The following LRIG2 variants were observed in gnomAD, a reference collection of about 807,000 sequenced individuals.
LRIG2 encodes the protein leucine-rich repeats and immunoglobulin-like domains protein 2.
LRIG2 carries 93 observed loss-of-function variants against 107.8 expected under a neutral mutation model. That is an observed-to-expected ratio of 0.86 (90% confidence interval 0.73 to 1.03). LRIG2 has a LOEUF of 1.03. Among genes scored for constraint, LRIG2 ranks in the 50% least tolerant of loss-of-function variants. The pLI is 0.00. For missense variants in LRIG2, 1,226 were observed against 1,296.0 expected (o/e 0.95, Z 0.83); for synonymous variants, 471 against 470.6 (o/e 1.00, Z -0.01).
At chr1:113,111,893 C>T (rs1340298950) in intron 13 of LRIG2, among the ~76,000 whole-genome samples, 7 of 152,148 alleles carry the variant, frequency 4.6e-5, no homozygotes, top group Non-Finnish European at 1.0e-4. Context: ...CTGCAGCCTT[C>T]GCCTCCTAGT....
chr1:113,124,266 A>T lies in LRIG2; in HGVS notation c.*165A>T. On this transcript the variant is annotated 3_prime_UTR_variant, in exon 18 of 18. Transcript: ENST00000361127. ...CATGCGTTGTTTGGTCTTATACCTG[A>T]TGAAGAAATGGCAACAGCTGACAGA... is the stretch of plus-strand genomic sequence containing the variant. The T allele has an allele frequency of 1.6e-6, 1 of 625,250 alleles. No homozygotes were observed. The highest frequency in any genetic ancestry group is 2.8e-6 in the Non-Finnish European group (1 of 358,722). 38.7% of individuals were successfully genotyped at this position (625,250 alleles called of 1,614,324 possible).
At chr1:113,101,250 G>A (rs1363973297) in intron 11 of LRIG2, among the ~76,000 whole-genome samples, 1 of 152,144 alleles carries the variant, frequency 6.6e-6, no homozygotes, top group East Asian at 1.9e-4. Flanking sequence ...TGTATTTTTA[G>A]TAGAGACAGG....
At chr1:113,112,018 CT>C (rs2101056939) in intron 13 of LRIG2, among the ~76,000 whole-genome samples, 1 of 152,282 alleles carries the variant, frequency 6.6e-6, no homozygotes, top group South Asian at 2.1e-4. Context: ...GGTTTGTGGC[CT>C]TCTGCTTTCC....
At chr1:113,081,507 T>C (rs1467896513) in intron 1 of LRIG2, among the ~76,000 whole-genome samples, 1 of 152,066 alleles carries the variant, frequency 6.6e-6, no homozygotes, top group African/African-American at 2.4e-5. Flanking sequence ...GTATTTTTAG[T>C]AGAGACGGGG....
chr1:113,119,197 A>G, intron 16 of LRIG2, 36 bp from the exon 17 acceptor site: 4 of 1,579,976 alleles, frequency 2.5e-6, no homozygotes, highest in Non-Finnish European at 3.4e-6. Context: ...TAATTCCTTA[A>G]CAGAAAGATA....
chr1:113,077,448 T>G (rs1653032991), intron 1 of LRIG2, among the ~76,000 whole-genome samples: 1 of 152,232 alleles, frequency 6.6e-6, no homozygotes, highest in Non-Finnish European at 1.5e-5. Flanking sequence ...GGCCAGCTGC[T>G]AAAAATTTTG....
At chr1:113,095,784 T>C (rs996064726) in intron 6 of LRIG2, 90 bp from the exon 7 acceptor site, 2 of 1,340,314 alleles carry the variant, frequency 1.5e-6, no homozygotes, top group Admixed American at 1.8e-5. Context: ...CAAAGGTATA[T>C]GCTTCTCTGG....
chr1:113,090,976 T>C (rs1472501450), intron 1 of LRIG2, among the ~76,000 whole-genome samples: 1 of 151,540 alleles, frequency 6.6e-6, no homozygotes, highest in African/African-American at 2.4e-5. Flanking sequence ...CTCAGCCTCC[T>C]GAGTAGCTGG....
chr1:113,107,933 C>T lies in LRIG2; in HGVS notation c.1477+176C>T. The T allele has an allele frequency of 8.6e-6, 5 of 583,354 alleles. No individual in the cohort carries two copies. The South Asian group carries it at 1.2e-4, about 14-fold the overall frequency. 36.1% of individuals were successfully genotyped at this position (583,354 alleles called of 1,614,324 possible). On this transcript the variant is annotated intron_variant, in intron 12 of 17. Coordinates refer to ENST00000361127, the MANE Select transcript of LRIG2 (RefSeq NM_014813.3). ...TGAAGGCTTTTCTCTTTTAGAGGGA[C>T]TGTTAACCTTAGGTTAGGTATTTGG...
chr1:113,086,391 A>G (rs1203667571), intron 1 of LRIG2, among the ~76,000 whole-genome samples: 1 of 152,214 alleles, frequency 6.6e-6, no homozygotes, highest in Non-Finnish European at 1.5e-5. Context: ...TAAATTATGC[A>G]GGCTAAATGA....
At chr1:113,095,702 C>T (rs879625512) in intron 6 of LRIG2, among the ~76,000 whole-genome samples, 172 bp from the exon 7 acceptor site, 16 of 152,102 alleles carry the variant, frequency 1.1e-4, no homozygotes, top group Non-Finnish European at 1.2e-4. Context: ...CCACTGTGCC[C>T]GGCCAAGCAC....
rs1487370213 is a variant in LRIG2, at chr1:113,116,441, T to C, written c.2680+5T>C. On this transcript the variant is annotated splice_donor_5th_base_variant and intron_variant, in intron 16 of 17. Transcript: ENST00000361127. ...ATATACACAAAGGCACTGACGGTAA[T>C]GACTCTGTTGTTTATGGTTACAATT... 6.7e-7 allele frequency: 1 copy of C among 1,501,866 alleles called. No individual in the cohort carries two copies. Among genetic ancestry groups the C allele is most frequent in the East Asian group, 2.5e-5 (1 of 39,620 alleles). The allele number at this position is 1,501,866 out of a possible 1,614,324, so 93.0% of individuals were successfully genotyped here. A position where few individuals can be genotyped will look rare whatever the true frequency, so the allele number is the denominator to read the frequency against.
intron 11 of LRIG2, among the ~76,000 whole-genome samples, chr1:113,104,507 T>C (rs1654448404): frequency 6.6e-6 from 1 of 151,956 alleles, no homozygotes; most frequent in African/African-American, 2.4e-5. Context: ...TTACACATCA[T>C]GGCAAAATAA....
At position 113,073,485 on chromosome 1, in the gene LRIG2, A is replaced by G. The variant is rs758056973; in HGVS notation, c.79A>G (p.Ile27Val). ...RSRVLSRLLF[I>V]AQTALLLLPA... is the part of the protein sequence containing the mutation. ...TAGAGTGCTTTCTCGGTTACTCTTC[A>G]TTGCCCAGACCGCTCTCCTCCTGTT... Residue 27 changes from isoleucine (I) to valine (V), a missense_variant, in exon 1 of 18, where the codon ATT becomes GTT. By Grantham distance (29) the Ile-to-Val change is conservative. This residue lies in a region of LRIG2 where 570 missense variants were observed against 550.2 expected (regional missense o/e 1.04). Transcript: ENST00000361127. The G allele has an allele frequency of 8.1e-5, 130 of 1,613,864 alleles. No homozygotes were observed. Among genetic ancestry groups the G allele is most frequent in the Non-Finnish European group, 1.1e-4 (127 of 1,179,982 alleles).
intron 16 of LRIG2, 72 bp from the exon 17 acceptor site, chr1:113,119,161 G>A (rs1655135476): frequency 1.4e-6 from 2 of 1,445,908 alleles, no homozygotes; most frequent in Non-Finnish European, 9.5e-7. Flanking sequence ...GACAACTTTT[G>A]AAGAAAACTG....
At chr1:113,086,298 C>T (rs1003719694) in intron 1 of LRIG2, among the ~76,000 whole-genome samples, 3 of 152,096 alleles carry the variant, frequency 2.0e-5, no homozygotes, top group Admixed American at 6.5e-5. Context: ...AGCCACTGTG[C>T]CCGGCCGAGT....
chr1:113,082,266 T>G (rs903688731), intron 1 of LRIG2, among the ~76,000 whole-genome samples: 8 of 152,210 alleles, frequency 5.3e-5, no homozygotes, highest in Non-Finnish European at 2.9e-5. Flanking sequence ...GACATTTTTG[T>G]TAGTTTATAA....
At position 113,114,745 on chromosome 1, in the gene LRIG2, A is replaced by C. The variant is rs1175103892; in HGVS notation, c.2399A>C (p.Asp800Ala). Residue 800 changes from aspartate (D) to alanine (A), a missense_variant, in exon 15 of 18, where the codon GAT (aspartate) becomes GCT (alanine). By Grantham distance (126) the Asp-to-Ala change is moderately radical. This residue lies in a region of LRIG2 where 642 missense variants were observed against 712.2 expected (regional missense o/e 0.90). Coordinates refer to ENST00000361127, the MANE Select transcript of LRIG2 (RefSeq NM_014813.3). ...DSSQSSIGHE[D>A]DGWTTVGIVI... ...TCCCAGAGTAGCATTGGGCATGAAG[A>C]TGATGGCTGGACCACAGTTGGCATT... 1.9e-6 allele frequency: 3 copies of C among 1,614,082 alleles called. No homozygotes were observed. The highest frequency in any genetic ancestry group is 2.5e-6 in the Non-Finnish European group (3 of 1,180,042).
rs368350047 is a variant in LRIG2, at chr1:113,079,565, C to T, written c.239+5920C>T. On this transcript the variant is annotated intron_variant, in intron 1 of 17. Transcript: ENST00000361127. ...AGCCGTGGTGGCGGGCGCCTGTAATCCCAGTTACTCTGGAGGCTGAGGCAG... is the reference window on the plus strand; with the variant it reads ...AGCCGTGGTGGCGGGCGCCTGTAATTCCAGTTACTCTGGAGGCTGAGGCAG... 6.1e-3 allele frequency among the ~76,000 whole-genome samples: 901 copies of T among 147,528 alleles called. 13 individuals carry two copies. Among genetic ancestry groups the T allele is most frequent in the African/African-American group, 0.021 (851 of 40,350 alleles).
Sources: gnomAD v4.1 joint callset for allele counts (sites outside exome capture counted in the v4.1 genomes callset) on GRCh38, gnomAD v4.1.1 for gene constraint, gnomAD v4.1.1 regional missense constraint, MANE v1.5 for transcripts, NCBI Gene and HGNC (gene_info 2026-07-23, HGNC 2026-07-21) for gene names.